Variants in FGF14 observed in about 807,000 individuals in gnomAD.
FGF14 encodes fibroblast growth factor 14, also known as fibroblast growth factor homologous factor 4.
Under a neutral mutation model 25.5 loss-of-function variants are expected in FGF14, and 5 were observed. That is an observed-to-expected ratio of 0.20 (90% CI 0.10 to 0.41). FGF14 has a LOEUF of 0.41. Among genes scored for constraint, FGF14 ranks in the 10% least tolerant of loss-of-function variants. FGF14 has a pLI of 1.00. For missense variants in FGF14, 222 were observed against 320.1 expected (o/e 0.69, Z 2.34); for synonymous variants, 138 against 118.3 (o/e 1.17, Z -1.08).
At chr13:102,066,156 G>A (rs1466366170) in intron 1 of FGF14, among the ~76,000 whole-genome samples, 2 of 152,044 alleles carry the variant, frequency 1.3e-5, no homozygotes, top group Non-Finnish European at 2.9e-5. Flanking sequence ...GGTTATTAAC[G>A]TATCATGAAT....
chr13:102,049,709 A>G (rs2042137106), intron 1 of FGF14, among the ~76,000 whole-genome samples: 1 of 152,108 alleles, frequency 6.6e-6, no homozygotes, highest in Non-Finnish European at 1.5e-5. Context: ...CAATATGACT[A>G]GCATCCTTAT....
At chr13:101,804,298 G>A (rs1347278841) in intron 3 of FGF14, among the ~76,000 whole-genome samples, 1 of 152,080 alleles carries the variant, frequency 6.6e-6, no homozygotes, top group Non-Finnish European at 1.5e-5. Flanking sequence ...AGAAAGTGAT[G>A]GAATGAAATG....
intron 1 of FGF14, among the ~76,000 whole-genome samples, chr13:101,929,497 CACCAGCTGTAGA>C (rs1387658069): frequency 6.6e-6 from 1 of 152,176 alleles, no homozygotes; most frequent in Non-Finnish European, 1.5e-5. Flanking sequence ...GGGACATTCA[CACCAGCTGTAGA>C]ACCAGCTGAG....
In FGF14 at chr13:101,850,800, T is replaced by C. The variant is rs2043808786; in HGVS notation, c.408+17925A>G. Among the ~76,000 whole-genome samples, 3 of 150,904 alleles carry C rather than the reference T, an allele frequency of 2.0e-5. No homozygotes were observed. In the South Asian group the frequency reaches 6.2e-4, roughly 31 times the overall value. On this transcript the variant is annotated intron_variant, in intron 3 of 4. Coordinates refer to ENST00000376143, the MANE Select transcript of FGF14 (RefSeq NM_004115.4). Reference sequence around the variant, plus strand: ...CAATAGATTTTTGCTCAATCTGAAATGCTAGAAGTCATGAGAATAATTTTC... The same window carrying C: ...CAATAGATTTTTGCTCAATCTGAAACGCTAGAAGTCATGAGAATAATTTTC...
At chr13:102,020,132 G>A (rs1348260396) in intron 1 of FGF14, among the ~76,000 whole-genome samples, 1 of 152,108 alleles carries the variant, frequency 6.6e-6, no homozygotes, top group Non-Finnish European at 1.5e-5. Context: ...TTCTGAGAAA[G>A]GGATGGGATT....
chr13:101,756,674 C>A (rs2037681884), intron 3 of FGF14, among the ~76,000 whole-genome samples: 1 of 152,054 alleles, frequency 6.6e-6, no homozygotes, highest in Non-Finnish European at 1.5e-5. Flanking sequence ...CGGAGGTTGC[C>A]ATGAGCTGAG....
At chr13:101,856,951 T>C (rs916670785) in intron 3 of FGF14, among the ~76,000 whole-genome samples, 2 of 151,976 alleles carry the variant, frequency 1.3e-5, no homozygotes, top group Non-Finnish European at 2.9e-5. Context: ...AACAGTATTA[T>C]AAAAGGTCCA....
chr13:102,053,849 T>C (rs55980531), intron 1 of FGF14, among the ~76,000 whole-genome samples: 6,609 of 152,218 alleles, frequency 0.043, 452 homozygotes, highest in African/African-American at 0.15. Flanking sequence ...TTCATTTATG[T>C]TCTGTTTCTT....
chr13:102,158,918 C>A (rs1373673048), intron 1 of FGF14, among the ~76,000 whole-genome samples: 1 of 151,986 alleles, frequency 6.6e-6, no homozygotes, highest in Non-Finnish European at 1.5e-5. Flanking sequence ...GCAGGTGGAC[C>A]ACTTGAGGTC....
intron 3 of FGF14, among the ~76,000 whole-genome samples, chr13:101,848,467 A>G (rs2043580239): frequency 6.6e-6 from 1 of 152,064 alleles, no homozygotes; most frequent in Non-Finnish European, 1.5e-5. Context: ...AAAACAAGAG[A>G]AAGGAGGAGG....
chr13:101,897,181 G>A (rs1333233045), intron 1 of FGF14, among the ~76,000 whole-genome samples: 6 of 152,244 alleles, frequency 3.9e-5, no homozygotes, highest in South Asian at 2.1e-4. Context: ...GGTTTGCCCC[G>A]CTCACCATAT....
intron 1 of FGF14, among the ~76,000 whole-genome samples, chr13:101,971,506 G>A (rs951807960): frequency 2.0e-5 from 3 of 152,086 alleles, no homozygotes; most frequent in African/African-American, 7.2e-5. Flanking sequence ...GAGTAGCTGG[G>A]ACAATAGGCA....
intron 1 of FGF14, among the ~76,000 whole-genome samples, chr13:101,910,658 T>C (rs1343696004): frequency 6.6e-6 from 1 of 152,178 alleles, no homozygotes; most frequent in African/African-American, 2.4e-5. Flanking sequence ...TGCCTACTGG[T>C]ATACTGTCAC....
chr13:102,193,517 G>T (rs1255766532), intron 1 of FGF14, among the ~76,000 whole-genome samples: 1 of 152,130 alleles, frequency 6.6e-6, no homozygotes, highest in Non-Finnish European at 1.5e-5. Flanking sequence ...TTGAGTATCT[G>T]AGCAAGCAGG....
chr13:101,786,118 C>T lies in FGF14; in HGVS notation c.409-59308G>A, dbSNP rs1289958382. Among the ~76,000 whole-genome samples, 3 of 152,246 alleles carry T rather than the reference C, an allele frequency of 2.0e-5. No homozygotes were observed. The East Asian group carries it at 5.8e-4, about 29-fold the overall frequency. On this transcript the variant is annotated intron_variant, in intron 3 of 4. Coordinates refer to ENST00000376143, the MANE Select transcript of FGF14 (RefSeq NM_004115.4). ...CTCACAACCACCACCAAAGTGCCCA[C>T]TGCTGGTCTGATGTGTTGGCAGTAA...
chr13:101,985,080 G>GT lies in FGF14; in HGVS notation c.209-109785dup, dbSNP rs71125040. Among the ~76,000 whole-genome samples, 596 of 134,768 alleles carry GT rather than the reference G, an allele frequency of 4.4e-3. 1 individual carries two copies. The highest frequency in any genetic ancestry group is 0.021 in the East Asian group (99 of 4,700). The allele number at this position is 134,768 out of a possible 152,430, so 88.4% of individuals were successfully genotyped here. On this transcript the variant is annotated intron_variant, in intron 1 of 4. Coordinates refer to the FGF14 transcript ENST00000376131. ...CCATGAATTCAAGGGTTTTTTTTTT[G>GT]TTTTTTTTTTTTTTGCCACAACAGC...
At chr13:102,223,529 T>A (rs1594473033) in intron 1 of FGF14, among the ~76,000 whole-genome samples, 2 of 152,334 alleles carry the variant, frequency 1.3e-5, no homozygotes, top group Middle Eastern at 6.8e-3. Flanking sequence ...GATAGTTTTA[T>A]TCTGCTTTTT....
chr13:102,076,629 A>G (rs1237424319), intron 1 of FGF14, among the ~76,000 whole-genome samples: 1 of 152,208 alleles, frequency 6.6e-6, no homozygotes, highest in African/African-American at 2.4e-5. Flanking sequence ...TGAAGACACA[A>G]ATAAATGGAA....
chr13:101,934,841 G>T (rs976286374), intron 1 of FGF14, among the ~76,000 whole-genome samples: 1 of 152,046 alleles, frequency 6.6e-6, no homozygotes, highest in African/African-American at 2.4e-5. Flanking sequence ...GTATTTCCAT[G>T]GTTCCCACTG....
Sources: gnomAD v4.1 joint callset for allele counts (sites outside exome capture counted in the v4.1 genomes callset) on GRCh38, gnomAD v4.1.1 for gene constraint, MANE v1.5 for transcripts, NCBI Gene and HGNC (gene_info 2026-07-23, HGNC 2026-07-21) for gene names.